Variants in SLC6A4 observed in about 807,000 individuals in gnomAD.
SLC6A4 encodes solute carrier family 6 member 4, also known as sodium-dependent serotonin transporter.
Under a neutral mutation model 73.4 loss-of-function variants are expected in SLC6A4, and 22 were observed. The ratio of observed to expected loss-of-function variants is 0.30; its 90% CI spans 0.21 to 0.43. The LOEUF is 0.43. SLC6A4 is among the 20% of genes least tolerant of loss of function. The pLI, the probability that SLC6A4 is intolerant of heterozygous loss-of-function variation, is 1.00. For missense variants in SLC6A4, 593 were observed against 808.5 expected, an observed-to-expected ratio of 0.73 and a Z score of 3.23; for synonymous variants, 270 against 315.5, an observed-to-expected ratio of 0.86 and a Z score of 1.53.
intron 13 of SLC6A4, chr17:30,204,273 G>A (rs1288113956): frequency 6.6e-6 from 1 of 152,092 alleles, no homozygotes; most frequent in Non-Finnish European, 1.5e-5. Context: ...TGAATTATTT[G>A]TGTGGTTAAA....
Position 30,218,117 on chromosome 17 carries a change from C to T in SLC6A4, c.698+1G>A. On this transcript the variant is annotated splice_donor_variant, in intron 5 of 14. Coordinates refer to ENST00000650711, the MANE Select transcript of SLC6A4 (RefSeq NM_001045.6). LOFTEE classifies it high-confidence loss of function. ...CCAACCCCTCACTTACGTGCACTTACGTGTAAAATTCTTCAGCAGGGGACG... is the reference window on the plus strand; with the variant it reads ...CCAACCCCTCACTTACGTGCACTTATGTGTAAAATTCTTCAGCAGGGGACG... 3.1e-6 allele frequency: 5 copies of T among 1,613,510 alleles called. No individual in the cohort carries two copies. The highest frequency in any genetic ancestry group is 4.2e-6 in the Non-Finnish European group (5 of 1,179,452).
intron 14 of SLC6A4, among the ~76,000 whole-genome samples, chr17:30,200,560 T>G (rs924557206): frequency 1.3e-5 from 2 of 152,142 alleles, no homozygotes; most frequent in African/African-American, 2.4e-5. Flanking sequence ...AACTCCAACC[T>G]TGCATATGGC....
At chr17:30,221,069 C>G (rs1200752457) in intron 3 of SLC6A4, among the ~76,000 whole-genome samples, 1 of 151,238 alleles carries the variant, frequency 6.6e-6, no homozygotes, top group Non-Finnish European at 1.5e-5. Flanking sequence ...CTCCACCTCC[C>G]AGGTTCAAGT....
chr17:30,206,119 G>A (rs920201235), intron 13 of SLC6A4: 1 of 151,902 alleles, frequency 6.6e-6, no homozygotes, highest in African/African-American at 2.4e-5. Context: ...GTTTTGAAAG[G>A]GGACACAGAA....
At chr17:30,215,241 C>T (rs1376633296) in intron 8 of SLC6A4, among the ~76,000 whole-genome samples, 6 of 152,152 alleles carry the variant, frequency 3.9e-5, no homozygotes, top group Non-Finnish European at 8.8e-5. Flanking sequence ...CAGGGTTTCG[C>T]CATGTTGGCC....
At chr17:30,213,771 G>A (rs1449013039) in intron 8 of SLC6A4, among the ~76,000 whole-genome samples, 1 of 151,896 alleles carries the variant, frequency 6.6e-6, no homozygotes, top group Non-Finnish European at 1.5e-5. Context: ...TTTTGAGATA[G>A]GGTCTCCCTC....
chr17:30,213,633 T>TA (rs1470282324), intron 8 of SLC6A4, among the ~76,000 whole-genome samples: 2 of 152,182 alleles, frequency 1.3e-5, no homozygotes, highest in African/African-American at 4.8e-5. Flanking sequence ...CTCCCACCTT[T>TA]AAAAAAATCA....
chr17:30,219,597 G>A (rs1443198414), intron 3 of SLC6A4, among the ~76,000 whole-genome samples: 1 of 152,192 alleles, frequency 6.6e-6, no homozygotes, highest in African/African-American at 2.4e-5. Context: ...GAGCCAGAAT[G>A]CTCCCTGACA....
chr17:30,216,848 TTTGTTTG>T (rs1567819770), intron 6 of SLC6A4, among the ~76,000 whole-genome samples: 7 of 54,560 alleles, frequency 1.3e-4, no homozygotes, highest in African/African-American at 2.9e-4. Context: ...TTTTTTTTTG[TTTGTTTG>T]TTTGTTTGTT....
chr17:30,214,929 C>T (rs1235915784), intron 8 of SLC6A4, among the ~76,000 whole-genome samples: 6 of 151,072 alleles, frequency 4.0e-5, no homozygotes, highest in Admixed American at 6.6e-5. Context: ...CACCGCACCC[C>T]GTCTCTCTCT....
intron 5 of SLC6A4, 80 bp from the exon 6 acceptor site, chr17:30,217,384 G>A: frequency 1.4e-6 from 2 of 1,426,170 alleles, no homozygotes; most frequent in South Asian, 2.7e-5. Context: ...TCCTTTGAGG[G>A]TGCCCGGGAC....
At chr17:30,215,865 A>G in intron 7 of SLC6A4, 151 bp from the exon 8 acceptor site, 1 of 767,330 alleles carries the variant, frequency 1.3e-6, no homozygotes, top group Non-Finnish European at 2.2e-6. Context: ...CCATAAACCA[A>G]GTGCCAACAA....
At chr17:30,213,893 T>C (rs1033051213) in intron 8 of SLC6A4, among the ~76,000 whole-genome samples, 2 of 151,940 alleles carry the variant, frequency 1.3e-5, no homozygotes, top group Admixed American at 1.3e-4. Context: ...ACCATAGGCA[T>C]GCACCACCAC....
chr17:30,222,006 A>C lies in SLC6A4; in HGVS notation c.-48T>G. On this transcript the variant is annotated 5_prime_UTR_variant, in exon 3 of 15. Transcript: ENST00000650711. Reference sequence around the variant, plus strand: ...TGATGTCCATCTGCCAAGGATCCCAATTGATCTCTGGGTGCTTGGATTTGT... The same window carrying C: ...TGATGTCCATCTGCCAAGGATCCCACTTGATCTCTGGGTGCTTGGATTTGT... 6.2e-7 allele frequency: 1 copy of C among 1,612,946 alleles called. No homozygotes were observed. Among genetic ancestry groups the C allele is most frequent in the Non-Finnish European group, 8.5e-7 (1 of 1,179,714 alleles).
chr17:30,234,583 G>A (rs913026358), intron 1 of SLC6A4, among the ~76,000 whole-genome samples: 1 of 152,122 alleles, frequency 6.6e-6, no homozygotes, highest in Admixed American at 6.5e-5. Flanking sequence ...CAACACTGAC[G>A]CTGCCCACAG....
chr17:30,227,707 G>C (rs1481187143), intron 1 of SLC6A4, among the ~76,000 whole-genome samples: 1 of 152,140 alleles, frequency 6.6e-6, no homozygotes, highest in African/African-American at 2.4e-5. Flanking sequence ...GGTTGGTCTT[G>C]AACTCCTGGC....
rs760025394 is a variant in SLC6A4, at chr17:30,218,099, C to T, written c.698+19G>A. The T allele has an allele frequency of 2.5e-6, 4 of 1,609,848 alleles. No individual in the cohort carries two copies. The highest frequency in any genetic ancestry group is 3.4e-6 in the Non-Finnish European group (4 of 1,176,132). On this transcript the variant is annotated intron_variant, in intron 5 of 14. Coordinates refer to ENST00000650711, the MANE Select transcript of SLC6A4 (RefSeq NM_001045.6). The stretch of plus-strand genomic sequence containing the variant: ...TGGCCTGCCCCTAACAGGCCAACCC[C>T]TCACTTACGTGCACTTACGTGTAAA...
chr17:30,227,837 A>G (rs1906975612), intron 1 of SLC6A4, among the ~76,000 whole-genome samples: 1 of 152,200 alleles, frequency 6.6e-6, no homozygotes, highest in African/African-American at 2.4e-5. Context: ...CCTCAGGGCC[A>G]TTTGGGCCAG....
chr17:30,229,811 A>T (rs1310300347), intron 1 of SLC6A4, among the ~76,000 whole-genome samples: 2 of 151,948 alleles, frequency 1.3e-5, no homozygotes, highest in African/African-American at 4.8e-5. Flanking sequence ...ACCTGAGGTC[A>T]GAGTTCGAGA....
Sources: allele counts gnomAD v4.1 joint callset (sites outside exome capture counted in the v4.1 genomes callset), GRCh38; gene constraint gnomAD v4.1.1; transcripts MANE v1.5; gene names NCBI Gene and HGNC (gene_info 2026-07-23, HGNC 2026-07-21).